Variants in HHAT observed in about 807,000 individuals in gnomAD.
The protein encoded by HHAT is protein-cysteine N-palmitoyltransferase HHAT.
In HHAT, 47 loss-of-function variants were observed where a neutral mutation model predicts 70.8. That is an observed-to-expected ratio of 0.66 (90% CI 0.53 to 0.85). HHAT has a LOEUF of 0.85. HHAT is among the 40% of genes least tolerant of loss of function. HHAT has a pLI of 0.00. For synonymous variants in HHAT, 228 were observed against 247.6 expected (o/e 0.92, Z 0.74); for missense variants, 609 against 604.8 (o/e 1.01, Z -0.07).
intron 9 of HHAT, among the ~76,000 whole-genome samples, chr1:210,547,898 C>T (rs2095497273): frequency 6.6e-6 from 1 of 152,080 alleles, no homozygotes; most frequent in East Asian, 1.9e-4. Context: ...GTGTACACAG[C>T]AGAGCAGATT....
chr1:210,639,866 T>C (rs1227897098), intron 11 of HHAT, among the ~76,000 whole-genome samples: 2 of 152,176 alleles, frequency 1.3e-5, no homozygotes, highest in Non-Finnish European at 2.9e-5. Flanking sequence ...GGAAAGATTA[T>C]TTAAAATGCA....
At chr1:210,567,207 G>C (rs1654984842) in intron 9 of HHAT, among the ~76,000 whole-genome samples, 1 of 152,206 alleles carries the variant, frequency 6.6e-6, no homozygotes, top group Non-Finnish European at 1.5e-5. Context: ...CCAAGTCTCA[G>C]TTTCTCCTCC....
intron 11 of HHAT, among the ~76,000 whole-genome samples, chr1:210,666,762 G>A (rs563165491): frequency 6.6e-6 from 1 of 152,098 alleles, no homozygotes; most frequent in African/African-American, 2.4e-5. Context: ...GGGATTATAG[G>A]CATGAGCCAC....
At chr1:210,411,514 G>A (rs925933996) in intron 6 of HHAT, among the ~76,000 whole-genome samples, 2 of 152,172 alleles carry the variant, frequency 1.3e-5, no homozygotes, top group African/African-American at 4.8e-5. Context: ...AGTGCTTTGG[G>A]AGGCTGAGGT....
intron 11 of HHAT, chr1:210,630,874 G>A (rs796561471): frequency 1.7e-4 from 62 of 365,494 alleles, no homozygotes; most frequent in African/African-American, 1.2e-3. Context: ...GGACAGCCGT[G>A]GAGGCGGGGG....
intron 10 of HHAT, chr1:210,590,423 TG>T (rs1280206855): frequency 6.6e-6 from 1 of 151,484 alleles, no homozygotes; most frequent in African/African-American, 2.4e-5. Context: ...AGGATGTGTG[TG>T]TATTTTGGTA....
At chr1:210,604,654 G>A (rs997674669) in intron 10 of HHAT, among the ~76,000 whole-genome samples, 1 of 152,122 alleles carries the variant, frequency 6.6e-6, no homozygotes, top group Non-Finnish European at 1.5e-5. Context: ...ATTATTGAGA[G>A]AGAGGTGAGC....
chr1:210,342,302 C>T (rs2086109072), intron 1 of HHAT, among the ~76,000 whole-genome samples: 1 of 152,182 alleles, frequency 6.6e-6, no homozygotes, highest in Non-Finnish European at 1.5e-5. Context: ...AAAATTTAAA[C>T]ATGAAATCGT....
At chr1:210,478,562 G>T (rs1041218675) in intron 8 of HHAT, among the ~76,000 whole-genome samples, 3 of 152,190 alleles carry the variant, frequency 2.0e-5, no homozygotes, top group African/African-American at 4.8e-5. Context: ...TAGGTCTCTT[G>T]CCTGTGCTTC....
intron 9 of HHAT, among the ~76,000 whole-genome samples, chr1:210,524,888 G>T (rs543079866): frequency 1.3e-5 from 2 of 152,068 alleles, no homozygotes; most frequent in Non-Finnish European, 2.9e-5. Context: ...TGCTTGCCTG[G>T]TGTGTTCTAA....
At chr1:210,469,758 T>C (rs1041779941) in intron 8 of HHAT, among the ~76,000 whole-genome samples, 17 of 152,124 alleles carry the variant, frequency 1.1e-4, no homozygotes, top group African/African-American at 3.9e-4. Flanking sequence ...GGCCTCTACC[T>C]CCTGGGCTCA....
chr1:210,600,333 A>G (rs1013427467), intron 10 of HHAT, among the ~76,000 whole-genome samples: 8 of 152,194 alleles, frequency 5.3e-5, no homozygotes, highest in African/African-American at 9.6e-5. Flanking sequence ...TTTAAGATGA[A>G]ATAGACTTAG....
Position 210,355,590 on chromosome 1 carries a change from CT to C in HHAT, c.91+6530del, listed in dbSNP as rs1011503435. 1.5e-4 allele frequency among the ~76,000 whole-genome samples: 23 copies of C among 152,264 alleles called. 2 individuals are homozygous for C. Among genetic ancestry groups the C allele is most frequent in the Admixed American group, 1.5e-3 (23 of 15,288 alleles). On this transcript the variant is annotated intron_variant, in intron 2 of 11. Coordinates refer to ENST00000261458, the MANE Select transcript of HHAT (RefSeq NM_018194.6). ...GACCATGGTATTTTTAAACATACTG[CT>C]TTTTTCCCTAGGGTTAAAAAATATA...
At chr1:210,585,773 CA>C (rs1337409781) in intron 9 of HHAT, among the ~76,000 whole-genome samples, 3 of 152,016 alleles carry the variant, frequency 2.0e-5, no homozygotes, top group African/African-American at 7.2e-5. Context: ...AGCCAAGGAG[CA>C]AGGTGGGGGT....
chr1:210,515,743 G>A (rs974701944), intron 9 of HHAT, among the ~76,000 whole-genome samples: 6 of 131,552 alleles, frequency 4.6e-5, no homozygotes, highest in Non-Finnish European at 9.4e-5. Context: ...GGGCGATACA[G>A]CGAGACTCCG....
chr1:210,461,175 C>T (rs1298386833), intron 7 of HHAT, among the ~76,000 whole-genome samples: 1 of 152,228 alleles, frequency 6.6e-6, no homozygotes, highest in Non-Finnish European at 1.5e-5. Context: ...TGTTGCCTTC[C>T]TGCCCATTGT....
At chr1:210,584,024 A>G (rs1431921135) in intron 9 of HHAT, among the ~76,000 whole-genome samples, 2 of 129,748 alleles carry the variant, frequency 1.5e-5, no homozygotes, top group African/African-American at 5.7e-5. Context: ...ACTTACTGCA[A>G]CCTCCGCCTC....
chr1:210,601,970 A>AGTGTGTGTGTGT (rs10646355), intron 10 of HHAT, among the ~76,000 whole-genome samples: 3 of 149,478 alleles, frequency 2.0e-5, no homozygotes, highest in Non-Finnish European at 3.0e-5. Context: ...TGTGTGTGAG[A>AGTGTGTGTGTGT]GTGTGTGTGT....
chr1:210,613,114 T>C (rs1025888998), intron 10 of HHAT, among the ~76,000 whole-genome samples: 1 of 58,912 alleles, frequency 1.7e-5, no homozygotes, highest in African/African-American at 4.4e-5. Context: ...GTTAATTTGG[T>C]AAGGTCAAGT....
Sources: gnomAD v4.1 joint callset for allele counts (sites outside exome capture counted in the v4.1 genomes callset) on GRCh38, gnomAD v4.1.1 for gene constraint, MANE v1.5 for transcripts, NCBI Gene and HGNC (gene_info 2026-07-23, HGNC 2026-07-21) for gene names.